SLC17A8: variants seen among roughly 807,000 people sequenced by gnomAD.
SLC17A8 encodes vesicular glutamate transporter 3.
Under a neutral mutation model 58.0 loss-of-function variants are expected in SLC17A8, and 31 were observed. That is an observed-to-expected ratio of 0.53 (90% CI 0.40 to 0.72). SLC17A8 has a LOEUF of 0.72. Ranked by LOEUF, SLC17A8 falls within the 30% of genes least tolerant of loss-of-function variation. The probability of loss-of-function intolerance (pLI) is 0.00; values close to 1 mark genes in which losing one functional copy is unlikely to be tolerated. For missense variants in SLC17A8, 655 were observed against 727.8 expected (o/e 0.90, Z 1.15); for synonymous variants, 228 against 249.0 (o/e 0.92, Z 0.79).
At chr12:100,415,189 T>C (rs1325281017) in intron 10 of SLC17A8, among the ~76,000 whole-genome samples, 2 of 152,066 alleles carry the variant, frequency 1.3e-5, no homozygotes, top group Non-Finnish European at 2.9e-5. Flanking sequence ...TCTCTTGCCT[T>C]GTGCAGTGTC....
At chr12:100,359,092 G>A (rs756749805) in intron 1 of SLC17A8, among the ~76,000 whole-genome samples, 70 of 152,030 alleles carry the variant, frequency 4.6e-4, no homozygotes, top group Admixed American at 5.9e-4. Context: ...CCAAGATTGC[G>A]TCTCTGCACT....
intron 1 of SLC17A8, among the ~76,000 whole-genome samples, chr12:100,372,500 C>G (rs1952565144): frequency 6.6e-6 from 1 of 151,984 alleles, no homozygotes; most frequent in Admixed American, 6.6e-5. Flanking sequence ...GGCATCCATG[C>G]CACCACACCT....
At chr12:100,379,439 A>AAG (rs1240349916) in intron 1 of SLC17A8, among the ~76,000 whole-genome samples, 1 of 151,254 alleles carries the variant, frequency 6.6e-6, no homozygotes, top group Non-Finnish European at 1.5e-5. Context: ...CGTCCCCAAA[A>AAG]AAAAAAAAAA....
intron 1 of SLC17A8, among the ~76,000 whole-genome samples, chr12:100,380,342 TG>T (rs967187376): frequency 4.6e-5 from 7 of 152,072 alleles, no homozygotes; most frequent in African/African-American, 1.4e-4. Flanking sequence ...ACTCTGGACT[TG>T]GGCCTCTATC....
intron 1 of SLC17A8, among the ~76,000 whole-genome samples, chr12:100,374,645 G>C (rs554797412): frequency 3.9e-4 from 59 of 152,050 alleles, no homozygotes; most frequent in Non-Finnish European, 6.9e-4. Context: ...AATCAAATCT[G>C]ACTCTGAGCC....
chr12:100,372,732 A>T (rs1218553070), intron 1 of SLC17A8, among the ~76,000 whole-genome samples: 3 of 152,040 alleles, frequency 2.0e-5, no homozygotes, highest in African/African-American at 7.2e-5. Context: ...ATACTGTTTT[A>T]TATATATATT....
chr12:100,380,473 C>G (rs1327771015), intron 1 of SLC17A8, among the ~76,000 whole-genome samples: 1 of 151,248 alleles, frequency 6.6e-6, no homozygotes, highest in Non-Finnish European at 1.5e-5. Flanking sequence ...CACACAATAC[C>G]CAGAACATCA....
intron 1 of SLC17A8, among the ~76,000 whole-genome samples, chr12:100,368,724 TC>T (rs1174382930): frequency 6.6e-6 from 1 of 152,206 alleles, no homozygotes; most frequent in African/African-American, 2.4e-5. Context: ...TTATATTCTC[TC>T]CTTTTACAAC....
Position 100,421,061 on chromosome 12 carries a change from C to G in SLC17A8, c.*902C>G, listed in dbSNP as rs1412426727. ...GCAAGAGAGCCAAATTTTTAGAAAT[C>G]TGATGGTCAAAATAGCTGAAAGCAG... On this transcript the variant is annotated 3_prime_UTR_variant, in exon 12 of 12. Transcript: ENST00000323346. The G allele has an allele frequency of 6.6e-6, 1 of 152,124 alleles. No individual in the cohort carries two copies. The highest frequency in any genetic ancestry group is 2.4e-5 in the African/African-American group (1 of 41,430). 9.4% of individuals were successfully genotyped at this position (152,124 alleles called of 1,614,324 possible). A position where few individuals can be genotyped will look rare whatever the true frequency, so the allele number is the denominator to read the frequency against.
rs762001520 is a variant in SLC17A8, at chr12:100,380,842, G to A, written c.243G>A (p.Met81Ile). ...CCAAGCGTTACATCATTGCTATCAT[G>A]AGTGGGCTGGGATTCTGCATTTCCT... ...GLPKRYIIAI[M>I]SGLGFCISFG... Residue 81 changes from methionine (M) to isoleucine (I), a missense_variant, in exon 2 of 12, where the codon ATG becomes ATA. Met to Ile is a conservative substitution (Grantham distance 10). Coordinates refer to ENST00000323346, the MANE Select transcript of SLC17A8 (RefSeq NM_139319.3). 15 of 1,614,152 alleles carry A rather than the reference G, an allele frequency of 9.3e-6. No individual in the cohort carries two copies. The East Asian group carries it at 3.1e-4, about 34-fold the overall frequency.
At chr12:100,415,944 T>C (rs917242278) in intron 10 of SLC17A8, among the ~76,000 whole-genome samples, 4 of 152,206 alleles carry the variant, frequency 2.6e-5, no homozygotes, top group African/African-American at 9.6e-5. Flanking sequence ...CAGAATCTAC[T>C]GTCTGCCAAC....
rs370707201 is a variant in SLC17A8, at chr12:100,418,149, G to C, written c.1418G>C (p.Arg473Thr). ...VCPLIVGAMT[R>T]HKTREEWQNV... is the part of the protein sequence containing the mutation. ...CCCCTCATTGTCGGTGCAATGACCAGGCACAAGGTAAAGGTCTCCTTTGTG... is the reference window on the plus strand; with the variant it reads ...CCCCTCATTGTCGGTGCAATGACCACGCACAAGGTAAAGGTCTCCTTTGTG... Residue 473 changes from arginine (R) to threonine (T), a missense_variant, in exon 11 of 12, where the codon AGG becomes ACG. Coordinates refer to ENST00000323346, the MANE Select transcript of SLC17A8 (RefSeq NM_139319.3). The C allele has an allele frequency of 1.9e-6, 3 of 1,614,118 alleles. No individual in the cohort carries two copies. The highest frequency in any genetic ancestry group is 3.3e-5 in the Admixed American group (2 of 60,018).
At chr12:100,365,758 C>G (rs1952516018) in intron 1 of SLC17A8, among the ~76,000 whole-genome samples, 1 of 152,198 alleles carries the variant, frequency 6.6e-6, no homozygotes, top group Non-Finnish European at 1.5e-5. Flanking sequence ...ACATGTCTTA[C>G]TGAGGCATCC....
chr12:100,406,538 A>AT (rs142080424), intron 9 of SLC17A8, among the ~76,000 whole-genome samples: 6,433 of 142,060 alleles, frequency 0.045, 399 homozygotes, highest in African/African-American at 0.14. Context: ...ATATGATCTC[A>AT]TTTTTTTTTT....
At chr12:100,381,577 A>G (rs1369277917) in intron 2 of SLC17A8, among the ~76,000 whole-genome samples, 1 of 151,298 alleles carries the variant, frequency 6.6e-6, no homozygotes, top group African/African-American at 2.4e-5. Flanking sequence ...ACAGAGAGAG[A>G]GAGAGAGAGA....
intron 2 of SLC17A8, among the ~76,000 whole-genome samples, chr12:100,386,893 TGGCCAGG>T (rs1388138624): frequency 6.6e-6 from 1 of 152,066 alleles, no homozygotes; most frequent in Non-Finnish European, 1.5e-5. Context: ...TTCACCACAT[TGGCCAGG>T]CTGGTCTCGA....
chr12:100,409,909 G>A (rs980132969), intron 9 of SLC17A8, among the ~76,000 whole-genome samples: 1 of 152,156 alleles, frequency 6.6e-6, no homozygotes, highest in African/African-American at 2.4e-5. Flanking sequence ...AGATGAAACT[G>A]GAACAGCAGG....
At chr12:100,380,575 A>G (rs1952627865) in intron 1 of SLC17A8, 126 bp from the exon 2 acceptor site, 7 of 814,462 alleles carry the variant, frequency 8.6e-6, no homozygotes, top group South Asian at 8.0e-5. Flanking sequence ...ATACCTCCAT[A>G]GTATTCTACT....
At chr12:100,408,706 A>G (rs1952843990) in intron 9 of SLC17A8, among the ~76,000 whole-genome samples, 1 of 152,148 alleles carries the variant, frequency 6.6e-6, no homozygotes, top group Non-Finnish European at 1.5e-5. Context: ...TCTTTATACA[A>G]TGTCATCATT....
Sources: gnomAD v4.1 joint callset for allele counts (sites outside exome capture counted in the v4.1 genomes callset) on GRCh38, gnomAD v4.1.1 for gene constraint, MANE v1.5 for transcripts, NCBI Gene and HGNC (gene_info 2026-07-23, HGNC 2026-07-21) for gene names.